Variants in ROBO1 observed in about 807,000 individuals in gnomAD.
The protein encoded by ROBO1 is roundabout homolog 1.
ROBO1 carries 149 observed loss-of-function variants against 195.9 expected under a neutral mutation model. The observed-to-expected ratio is 0.76, with a 90% CI of 0.67 to 0.87. The LOEUF (loss-of-function observed/expected upper bound fraction) is 0.87, where lower values mean the gene tolerates loss of function less well. ROBO1 is among the 40% of genes least tolerant of loss of function. ROBO1 has a pLI of 0.00. For synonymous variants in ROBO1, 816 were observed against 733.2 expected (o/e 1.11, Z -1.82); for missense variants, 1,933 against 2,068.3 (o/e 0.93, Z 1.27).
intron 2 of ROBO1, among the ~76,000 whole-genome samples, chr3:79,555,199 T>C (rs1045104839): frequency 1.1e-4 from 17 of 152,102 alleles, no homozygotes; most frequent in Non-Finnish European, 5.9e-5. Flanking sequence ...AAACTATAAA[T>C]TGGACTATAT....
In ROBO1 at chr3:78,938,599, ACTGGCTACTTC is replaced by A; in HGVS notation, c.490_499+1del. On this transcript the variant is annotated splice_donor_variant and coding_sequence_variant, in exon 4 of 31. Transcript: ENST00000464233. LOFTEE classifies it high-confidence loss of function. ...CAAACACAGAGCGCCCAGTTTACTT[ACTGGCTACTTC>A]CAGCGATGCATTGTGGCTCACAGCC... 1 of 1,602,404 alleles carries A rather than the reference ACTGGCTACTTC, an allele frequency of 6.2e-7. No homozygotes were observed. The highest frequency in any genetic ancestry group is 8.5e-7 in the Non-Finnish European group (1 of 1,171,674).
chr3:79,688,608 A>G (rs1947205781), intron 1 of ROBO1, among the ~76,000 whole-genome samples: 1 of 152,088 alleles, frequency 6.6e-6, no homozygotes, highest in Admixed American at 6.6e-5. Context: ...TGTTGGTTGC[A>G]TATTAATTAT....
chr3:78,725,551 T>C (rs1013731641), intron 5 of ROBO1, among the ~76,000 whole-genome samples: 1 of 152,172 alleles, frequency 6.6e-6, no homozygotes, highest in Non-Finnish European at 1.5e-5. Context: ...CTGAATTGCT[T>C]ACTGAATAAT....
intron 1 of ROBO1, among the ~76,000 whole-genome samples, chr3:79,737,643 T>C (rs1302006485): frequency 7.6e-6 from 1 of 131,172 alleles, no homozygotes; most frequent in Non-Finnish European, 1.6e-5. Context: ...ATAACAGATG[T>C]TCTTTGTCCT....
chr3:78,806,731 G>T (rs75656281), intron 4 of ROBO1, among the ~76,000 whole-genome samples: 1 of 152,100 alleles, frequency 6.6e-6, no homozygotes, highest in African/African-American at 2.4e-5. Flanking sequence ...ATCATTTAAT[G>T]ATTTAGATCT....
intron 2 of ROBO1, among the ~76,000 whole-genome samples, chr3:79,490,950 TTC>T (rs1412996397): frequency 6.6e-6 from 1 of 152,116 alleles, no homozygotes; most frequent in Non-Finnish European, 1.5e-5. Context: ...CCCCCTTCCC[TTC>T]TCTCTCTCCC....
chr3:79,472,890 C>G (rs1938357149), intron 2 of ROBO1, among the ~76,000 whole-genome samples: 1 of 151,978 alleles, frequency 6.6e-6, no homozygotes. Flanking sequence ...TTAGAAAGTT[C>G]TTCTTGAAAG....
chr3:78,618,319 T>C (rs1468712975), intron 26 of ROBO1, among the ~76,000 whole-genome samples: 5 of 152,202 alleles, frequency 3.3e-5, no homozygotes, highest in Non-Finnish European at 7.3e-5. Context: ...ATTTGGATTA[T>C]GTTTCATGAA....
intron 3 of ROBO1, among the ~76,000 whole-genome samples, chr3:79,054,722 G>A (rs1330520149): frequency 6.6e-6 from 1 of 152,074 alleles, no homozygotes; most frequent in Non-Finnish European, 1.5e-5. Context: ...GTTTGCCCAC[G>A]TTGTTGCAAA....
chr3:78,612,054 C>G (rs555101562), intron 28 of ROBO1, among the ~76,000 whole-genome samples: 1 of 152,156 alleles, frequency 6.6e-6, no homozygotes, highest in East Asian at 1.9e-4. Flanking sequence ...GAAGGATCAT[C>G]GCAAATTACT....
chr3:79,176,729 G>C (rs1054475997), intron 2 of ROBO1, among the ~76,000 whole-genome samples: 1 of 152,108 alleles, frequency 6.6e-6, no homozygotes, highest in African/African-American at 2.4e-5. Flanking sequence ...CAAAGGGCTG[G>C]GGTTAGAGGT....
intron 2 of ROBO1, among the ~76,000 whole-genome samples, chr3:79,372,805 A>G (rs2036247149): frequency 6.6e-6 from 1 of 152,176 alleles, no homozygotes; most frequent in African/African-American, 2.4e-5. Flanking sequence ...GCTATAGCAT[A>G]TCATATAACA....
At position 78,617,784 on chromosome 3, in the gene ROBO1, G is replaced by A. The variant is rs745356520; in HGVS notation, c.4133C>T (p.Ser1378Leu). ...GSMINGWGSA[S>L]EEDNISSGRS... ...TCCGCTGGAAATGTTGTCCTCCTCT[G>A]AGGCTGAGCCCCAGCCGTTGATCAT... The change falls in exon 27 of 31, where the codon TCA becomes TTA. Residue 1378 changes from serine (S) to leucine (L), a missense_variant. By Grantham distance (145) the Ser-to-Leu change is moderately radical. Around this residue, in one of 3 missense-constraint regions of ROBO1, gnomAD observed 1,737 missense variants for 1,882.5 expected, o/e 0.92. Coordinates refer to ENST00000464233, the MANE Select transcript of ROBO1 (RefSeq NM_002941.4). The A allele has an allele frequency of 1.2e-6, 2 of 1,613,770 alleles. No individual in the cohort carries two copies. Among genetic ancestry groups the A allele is most frequent in the African/African-American group, 1.3e-5 (1 of 74,922 alleles).
chr3:78,860,334 T>TG (rs2034754218), intron 4 of ROBO1, among the ~76,000 whole-genome samples: 1 of 121,726 alleles, frequency 8.2e-6, no homozygotes, highest in Non-Finnish European at 1.7e-5. Flanking sequence ...ATATTTTTTT[T>TG]TTTTTACTCA....
rs568775359 is a variant in ROBO1 at position 78,953,027 on chromosome 3, C to T, written c.173-14100G>A. On this transcript the variant is annotated intron_variant, in intron 3 of 30. Transcript: ENST00000464233. ...GTAATATTCCTAAAGAATCTAATAT[C>T]GTATGGCTATGTCCCCAGAGATATG... 9.2e-5 allele frequency among the ~76,000 whole-genome samples: 14 copies of T among 152,128 alleles called. No individual in the cohort carries two copies. The East Asian group carries it at 2.1e-3, about 23-fold the overall frequency.
At chr3:78,826,606 G>A (rs1201385639) in intron 4 of ROBO1, among the ~76,000 whole-genome samples, 1 of 152,140 alleles carries the variant, frequency 6.6e-6, no homozygotes, top group Non-Finnish European at 1.5e-5. Flanking sequence ...GACCATGGAG[G>A]CTATTTAGAA....
intron 3 of ROBO1, among the ~76,000 whole-genome samples, chr3:79,017,995 AG>A (rs1372736452): frequency 2.0e-5 from 3 of 152,180 alleles, no homozygotes; most frequent in Non-Finnish European, 4.4e-5. Flanking sequence ...GCGGGCCACA[AG>A]CTCCCAGGGC....
At chr3:78,725,245 C>CA (rs556708787) in intron 5 of ROBO1, among the ~76,000 whole-genome samples, 14 of 151,840 alleles carry the variant, frequency 9.2e-5, no homozygotes, top group African/African-American at 3.4e-4. Flanking sequence ...CAAAGCAAAA[C>CA]AAAAAAATGT....
chr3:78,903,127 T>C (rs942841103), intron 4 of ROBO1, among the ~76,000 whole-genome samples: 2 of 152,166 alleles, frequency 1.3e-5, no homozygotes, highest in Non-Finnish European at 2.9e-5. Context: ...TCTCTTCAAA[T>C]ATTTACAAAT....
Sources: gnomAD v4.1 joint callset for allele counts (sites outside exome capture counted in the v4.1 genomes callset) on GRCh38, gnomAD v4.1.1 for gene constraint, gnomAD v4.1.1 regional missense constraint, MANE v1.5 for transcripts, NCBI Gene and HGNC (gene_info 2026-07-23, HGNC 2026-07-21) for gene names.